The following SPMIP11 variants were observed in gnomAD, a reference collection of about 807,000 sequenced individuals.
SPMIP11 encodes sperm microtubule inner protein 11, also known as long intergenic non-protein coding RNA 935.
the SPMIP11 span, chr12:48,771,444 A>T: frequency 1.7e-6 from 1 of 586,968 alleles, no homozygotes. This position sits in a 1 kb window ranked among gnomAD's most constrained non-coding sequence, Gnocchi z 4.3. Flanking sequence ...AGTGACATCC[A>T]CCTGGTACCT....
the SPMIP11 span, among the ~76,000 whole-genome samples, chr12:48,755,292 T>C: frequency 6.6e-6 from 1 of 152,292 alleles, no homozygotes; most frequent in East Asian, 1.9e-4. Flanking sequence ...CTATTTAGGG[T>C]ATTTCATATC....
At chr12:48,768,283 C>G in the SPMIP11 span, 14 of 451,520 alleles carry the variant, frequency 3.1e-5, no homozygotes, top group Non-Finnish European at 4.9e-5. Flanking sequence ...ATCCCTCAGG[C>G]AAGAGGCCTC....
chr12:48,739,161 A>G, the SPMIP11 span, among the ~76,000 whole-genome samples: 1 of 151,602 alleles, frequency 6.6e-6, no homozygotes, highest in African/African-American at 2.4e-5. Flanking sequence ...TTTCTCAGTG[A>G]TTACTCACCT....
chr12:48,760,895 A>G, the SPMIP11 span, among the ~76,000 whole-genome samples: 2 of 152,172 alleles, frequency 1.3e-5, no homozygotes, highest in Non-Finnish European at 2.9e-5. Flanking sequence ...TAATCTTTCA[A>G]AATTATTGGG....
the SPMIP11 span, among the ~76,000 whole-genome samples, chr12:48,738,073 C>G: frequency 1.3e-5 from 2 of 151,864 alleles, no homozygotes. Context: ...AATCTGCCCA[C>G]TTTGGCCTCC....
At chr12:48,731,399 G>A in the SPMIP11 span, among the ~76,000 whole-genome samples, 2 of 152,058 alleles carry the variant, frequency 1.3e-5, no homozygotes, top group African/African-American at 4.8e-5. Flanking sequence ...GCTGAGGCAG[G>A]AGAATGGCGT....
At chr12:48,735,118 G>A in the SPMIP11 span, among the ~76,000 whole-genome samples, 1 of 151,800 alleles carries the variant, frequency 6.6e-6, no homozygotes, top group Non-Finnish European at 1.5e-5. Context: ...GAGCCAGCAA[G>A]GCATCAGTCC....
chr12:48,768,365 C>T, the SPMIP11 span: 1 of 627,940 alleles, frequency 1.6e-6, no homozygotes, highest in Non-Finnish European at 2.7e-6. Flanking sequence ...AGCCCTACCC[C>T]AAGTAAGAAA....
At chr12:48,762,095 G>C in the SPMIP11 span, among the ~76,000 whole-genome samples, 2 of 109,218 alleles carry the variant, frequency 1.8e-5, no homozygotes, top group Non-Finnish European at 3.3e-5. Flanking sequence ...CTCTCACTCT[G>C]TCTCCCAGGC....
At chr12:48,736,455 A>T in the SPMIP11 span, among the ~76,000 whole-genome samples, 1 of 149,490 alleles carries the variant, frequency 6.7e-6, no homozygotes, top group East Asian at 1.9e-4. Context: ...TCATGTTTTC[A>T]TTTGTTGGTT....
chr12:48,765,030 G>A, the SPMIP11 span: 1 of 692,816 alleles, frequency 1.4e-6, no homozygotes. Context: ...GGGAGGTCAA[G>A]GGAAGTACTC....
chr12:48,765,551 T>C, the SPMIP11 span: 23 of 701,662 alleles, frequency 3.3e-5, no homozygotes, highest in African/African-American at 4.0e-4. Context: ...TTTTTAAGGA[T>C]CTCCTGCTCT....
chr12:48,763,999 T>G, the SPMIP11 span, among the ~76,000 whole-genome samples: 1 of 150,730 alleles, frequency 6.6e-6, no homozygotes, highest in Non-Finnish European at 1.5e-5. Flanking sequence ...TTTTTTTTTT[T>G]GAGATGGAGT....
the SPMIP11 span, among the ~76,000 whole-genome samples, chr12:48,732,536 G>A: frequency 5.3e-5 from 8 of 150,274 alleles, no homozygotes; most frequent in East Asian, 8.1e-4. Context: ...TTGGGAGGCC[G>A]AGGCGGGCAG....
chr12:48,769,388 C>A, the SPMIP11 span, among the ~76,000 whole-genome samples: 4 of 146,752 alleles, frequency 2.7e-5, no homozygotes, highest in Middle Eastern at 3.5e-3. Context: ...GGCACTCTAG[C>A]CTGGTACAGA....
the SPMIP11 span, among the ~76,000 whole-genome samples, chr12:48,758,083 G>A: frequency 2.0e-5 from 3 of 152,074 alleles, no homozygotes; most frequent in Non-Finnish European, 2.9e-5. Context: ...AGGGAAGATC[G>A]CTTGAGCCCA....
chr12:48,731,267 C>T, the SPMIP11 span, among the ~76,000 whole-genome samples: 1 of 152,080 alleles, frequency 6.6e-6, no homozygotes, highest in African/African-American at 2.4e-5. Context: ...CCAACGTGGG[C>T]GGATCATGAG....
the SPMIP11 span, among the ~76,000 whole-genome samples, chr12:48,745,314 A>G: frequency 6.6e-6 from 1 of 152,026 alleles, no homozygotes; most frequent in Non-Finnish European, 1.5e-5. Context: ...GTTTCTTAGC[A>G]TAATAAACAC....
the SPMIP11 span, among the ~76,000 whole-genome samples, chr12:48,734,253 G>A: frequency 6.6e-6 from 1 of 151,810 alleles, no homozygotes; most frequent in South Asian, 2.1e-4. Context: ...TACAGGTATT[G>A]TGATACTCTA....
Sources: gnomAD v4.1 joint callset for allele counts (sites outside exome capture counted in the v4.1 genomes callset) on GRCh38, gnomAD v4.1.1 for gene constraint, Gnocchi (gnomAD v3.1) non-coding constraint, MANE v1.5 for transcripts, NCBI Gene and HGNC (gene_info 2026-07-23, HGNC 2026-07-21) for gene names.